Variants in ENTPD6 observed in about 807,000 individuals in gnomAD.
The protein encoded by ENTPD6 is CD39 antigen-like 2.
A neutral mutation model predicts 61.5 loss-of-function variants in ENTPD6; 46 were observed. The ratio of observed to expected loss-of-function variants is 0.75; its 90% confidence interval spans 0.59 to 0.96. The LOEUF (loss-of-function observed/expected upper bound fraction) is 0.96. Ranked by LOEUF, ENTPD6 falls within the 40% of genes least tolerant of loss-of-function variation. ENTPD6 has a pLI of 0.00. For synonymous variants in ENTPD6, 252 were observed against 255.5 expected, an observed-to-expected ratio of 0.99 and a Z score of 0.13; for missense variants, 612 against 629.0, an observed-to-expected ratio of 0.97 and a Z score of 0.29.
intron 12 of ENTPD6, 49 bp downstream of exon 12, chr20:25,223,027 C>A: frequency 8.2e-6 from 4 of 490,356 alleles, no homozygotes; most frequent in Non-Finnish European, 1.3e-5. Context: ...CGGCAGGGGG[C>A]GGGGGTGGAG....
intron 13 of ENTPD6, 101 bp downstream of exon 13, chr20:25,224,258 A>G: frequency 1.0e-6 from 1 of 1,001,838 alleles, no homozygotes; most frequent in Admixed American, 2.6e-5. Context: ...CCCCTCCTAA[A>G]CAATGGCCAC....
At chr20:25,215,817 C>A in intron 7 of ENTPD6, 106 bp downstream of exon 7, 2 of 1,244,144 alleles carry the variant, frequency 1.6e-6, no homozygotes, top group Non-Finnish European at 2.4e-6. Flanking sequence ...TTAAGATAAC[C>A]CCTCAGGGTT....
At chr20:25,214,085 T>TGCTCAGACGTGACTG (rs1287757755) in intron 5 of ENTPD6, among the ~76,000 whole-genome samples, 1 of 152,080 alleles carries the variant, frequency 6.6e-6, no homozygotes, top group African/African-American at 2.4e-5. Context: ...CCTGGTCCGA[T>TGCTCAGACGTGACTG]GCTCAGACGT....
At chr20:25,206,386 C>A in intron 1 of ENTPD6, 136 bp from the exon 2 acceptor site, 1 of 659,032 alleles carries the variant, frequency 1.5e-6, no homozygotes, top group Non-Finnish European at 2.7e-6. Context: ...CTGGAGCAGC[C>A]AATGAAACTT....
intron 13 of ENTPD6, 158 bp downstream of exon 13, chr20:25,224,315 C>G (rs2092732645): frequency 1.8e-6 from 1 of 553,780 alleles, no homozygotes; most frequent in Non-Finnish European, 3.1e-6. Context: ...CGTCCTTGTC[C>G]CACCCTCATG....
chr20:25,218,597 G>T lies in ENTPD6; in HGVS notation c.926G>T (p.Gly309Val). The T allele has an allele frequency of 6.2e-7, 1 of 1,606,756 alleles. No individual in the cohort carries two copies. Reference sequence around the variant, plus strand: ...TCGGCACGCCTGGCGATCCTGGGCGGCGTGGAGGGGCAGCCTGGTGAGTGG... The same window carrying T: ...TCGGCACGCCTGGCGATCCTGGGCGTCGTGGAGGGGCAGCCTGGTGAGTGG... ...LMSARLAILG[G>V]VEGQPAKDGK... Residue 309 changes from glycine to valine, a missense_variant, in exon 10 of 15, where the codon GGC (glycine) becomes GTC (valine). Coordinates refer to ENST00000376652, the MANE Select transcript of ENTPD6 (RefSeq NM_001247.5).
Position 25,207,241 on chromosome 20 carries a change from A to G in ENTPD6, c.220A>G (p.Ile74Val). The change falls in exon 3 of 15, where the codon ATC (isoleucine) becomes GTC (valine). Residue 74 changes from isoleucine to valine, a missense_variant. Transcript: ENST00000376652. ...CACCGCCACCCAGGCCTTCTTCAGC[A>G]TCACCAGGGCAGCCCCGGGGGCCCG... ...RATATQAFFS[I>V]TRAAPGARWG... The G allele has an allele frequency of 6.2e-7, 1 of 1,614,082 alleles. No homozygotes were observed. The highest frequency in any genetic ancestry group is 2.2e-5 in the East Asian group (1 of 44,876).
At chr20:25,198,813 C>G (rs2090765646) in intron 1 of ENTPD6, among the ~76,000 whole-genome samples, 1 of 152,154 alleles carries the variant, frequency 6.6e-6, no homozygotes, top group African/African-American at 2.4e-5. Flanking sequence ...CTCATAGGGT[C>G]CGTCCTATTT....
chr20:25,200,035 C>T (rs919416416), intron 1 of ENTPD6, among the ~76,000 whole-genome samples: 1 of 152,154 alleles, frequency 6.6e-6, no homozygotes, highest in Non-Finnish European at 1.5e-5. Context: ...CTTTGATTTT[C>T]GGAGGAAGCT....
chr20:25,211,870 A>G (rs957013946), intron 4 of ENTPD6, among the ~76,000 whole-genome samples: 5 of 152,050 alleles, frequency 3.3e-5, no homozygotes, highest in Non-Finnish European at 7.4e-5. Flanking sequence ...GTGCAGTGGC[A>G]CAATCACAGC....
intron 13 of ENTPD6, 104 bp downstream of exon 13, chr20:25,224,261 A>C: frequency 3.5e-5 from 33 of 956,462 alleles, no homozygotes; most frequent in East Asian, 5.7e-5. Flanking sequence ...CTCCTAAACA[A>C]TGGCCACAGG....
intron 1 of ENTPD6, among the ~76,000 whole-genome samples, chr20:25,203,662 G>A (rs1004731220): frequency 2.6e-5 from 4 of 152,020 alleles, no homozygotes; most frequent in Non-Finnish European, 4.4e-5. Context: ...TTCTTTATCT[G>A]TTTTCCTTCA....
chr20:25,214,382 C>T (rs3787076), intron 5 of ENTPD6, among the ~76,000 whole-genome samples: 40,432 of 152,134 alleles, frequency 0.27, 7,362 homozygotes, highest in African/African-American at 0.51. Flanking sequence ...TGAAGGTGGC[C>T]GTCTGCCTTA....
At chr20:25,225,173 C>T in intron 13 of ENTPD6, 32 bp from the exon 14 acceptor site, 1 of 1,595,080 alleles carries the variant, frequency 6.3e-7, no homozygotes, top group Non-Finnish European at 8.5e-7. Flanking sequence ...TGGGAGTCAC[C>T]TGGAGCGTGA....
intron 11 of ENTPD6, 107 bp from the exon 12 acceptor site, chr20:25,222,731 C>A: frequency 6.8e-7 from 1 of 1,467,436 alleles, no homozygotes; most frequent in Non-Finnish European, 9.2e-7. Flanking sequence ...CCTGCCTTTT[C>A]CTGACAATTC....
intron 11 of ENTPD6, chr20:25,222,444 T>TCGG: frequency 1.1e-5 from 2 of 174,352 alleles, no homozygotes; most frequent in Admixed American, 1.1e-4. Flanking sequence ...GGGCCTCCAC[T>TCGG]TCCTTATCTA....
chr20:25,205,190 G>C (rs895307424), intron 1 of ENTPD6, among the ~76,000 whole-genome samples: 1 of 152,174 alleles, frequency 6.6e-6, no homozygotes, highest in Non-Finnish European at 1.5e-5. Flanking sequence ...GCCTAGTGGG[G>C]AGACACAGAC....
chr20:25,197,080 T>A (rs2122284676), intron 1 of ENTPD6: 1 of 985,440 alleles, frequency 1.0e-6, no homozygotes, highest in African/African-American at 1.7e-5. Context: ...TGGAAGTTTC[T>A]AATGTGCTTC....
rs2092812061 is a variant in ENTPD6 at position 25,227,215 on chromosome 20, G to A, written c.*1618G>A. Reference sequence around the variant, plus strand: ...CAGCGAATGCTGATGGAGCCACGTGGTGGAGGCCTGCACAGAGCAGGAAAG... The same window carrying A: ...CAGCGAATGCTGATGGAGCCACGTGATGGAGGCCTGCACAGAGCAGGAAAG... On this transcript the variant is annotated 3_prime_UTR_variant, in exon 15 of 15. Transcript: ENST00000376652. 6.6e-6 allele frequency among the ~76,000 whole-genome samples: 1 copy of A among 152,228 alleles called. No homozygotes were observed. Among genetic ancestry groups the A allele is most frequent in the African/African-American group, 2.4e-5 (1 of 41,446 alleles).
Sources: gnomAD v4.1 joint callset for allele counts (sites outside exome capture counted in the v4.1 genomes callset) on GRCh38, gnomAD v4.1.1 for gene constraint, MANE v1.5 for transcripts, NCBI Gene and HGNC (gene_info 2026-07-23, HGNC 2026-07-21) for gene names.